Variants in CADM2 observed in about 807,000 individuals in gnomAD.
CADM2 encodes immunoglobulin superfamily member 4D.
CADM2 carries 12 observed loss-of-function variants against 49.8 expected under a neutral mutation model. That is an observed-to-expected ratio of 0.24 (90% CI 0.15 to 0.39). The LOEUF (loss-of-function observed/expected upper bound fraction) is 0.39, where lower values mean the gene tolerates loss of function less well. Among genes scored for constraint, CADM2 ranks in the 10% least tolerant of loss-of-function variants. CADM2 has a pLI of 1.00. For synonymous variants in CADM2, 214 were observed against 175.4 expected (o/e 1.22, Z -1.74); for missense variants, 378 against 492.3 (o/e 0.77, Z 2.20).
At chr3:85,304,644 CT>C (rs2044172945) in intron 1 of CADM2, among the ~76,000 whole-genome samples, 1 of 151,760 alleles carries the variant, frequency 6.6e-6, no homozygotes, top group Non-Finnish European at 1.5e-5. Context: ...TTTCTTTTGA[CT>C]GGACATACGT....
chr3:85,705,445 A>G lies in CADM2; in HGVS notation c.62-21077A>G, dbSNP rs979971147. 2.6e-5 allele frequency among the ~76,000 whole-genome samples: 4 copies of G among 152,322 alleles called. No homozygotes were observed. In the East Asian group the frequency reaches 5.8e-4, roughly 22 times the overall value. The stretch of plus-strand genomic sequence containing the variant: ...AGTAAATGATGAGGATTGCTGTCCT[A>G]TATGTGATATTGAATGCTTATAGTG... On this transcript the variant is annotated intron_variant, in intron 1 of 9. Coordinates refer to ENST00000383699, the MANE Select transcript of CADM2 (RefSeq NM_001167675.2).
intron 1 of CADM2, among the ~76,000 whole-genome samples, chr3:85,318,127 G>A (rs966691538): frequency 7.4e-5 from 11 of 149,342 alleles, no homozygotes; most frequent in Admixed American, 3.4e-4. Flanking sequence ...CCATGATCCC[G>A]CCACTGCACT....
chr3:85,082,920 A>G (rs1403275331), intron 1 of CADM2, among the ~76,000 whole-genome samples: 3 of 152,148 alleles, frequency 2.0e-5, no homozygotes, highest in African/African-American at 4.8e-5. Flanking sequence ...TATGTCCTGA[A>G]GAAGTTTAAA....
intron 2 of CADM2, among the ~76,000 whole-genome samples, chr3:85,765,057 G>C (rs1239693101): frequency 6.6e-6 from 1 of 151,958 alleles, no homozygotes; most frequent in Non-Finnish European, 1.5e-5. Flanking sequence ...AATGTAAAGA[G>C]CTCAACTTTG....
intron 1 of CADM2, among the ~76,000 whole-genome samples, chr3:84,974,761 T>C (rs1245875575): frequency 6.6e-6 from 1 of 151,988 alleles, no homozygotes; most frequent in African/African-American, 2.4e-5. Context: ...AAGCAAGATA[T>C]ATCACACTTT....
At chr3:85,193,740 C>T (rs2041269837) in intron 1 of CADM2, among the ~76,000 whole-genome samples, 2 of 152,048 alleles carry the variant, frequency 1.3e-5, no homozygotes, top group African/African-American at 4.8e-5. Context: ...ATATTGGGCC[C>T]TAGCTTACAA....
chr3:85,432,773 G>T (rs2036740730), intron 1 of CADM2, among the ~76,000 whole-genome samples: 1 of 151,896 alleles, frequency 6.6e-6, no homozygotes, highest in African/African-American at 2.4e-5. Flanking sequence ...TTCTTATTTT[G>T]CATTCCATTC....
At chr3:85,450,514 T>C (rs913292166) in intron 1 of CADM2, among the ~76,000 whole-genome samples, 1 of 151,982 alleles carries the variant, frequency 6.6e-6, no homozygotes, top group Non-Finnish European at 1.5e-5. Flanking sequence ...AAATAAAACA[T>C]GAATATAATA....
chr3:85,072,266 A>G (rs1158702097), intron 1 of CADM2, among the ~76,000 whole-genome samples: 1 of 152,022 alleles, frequency 6.6e-6, no homozygotes, highest in East Asian at 1.9e-4. Context: ...AAAAGGACAT[A>G]TTTTTAAAAG....
rs529418359 is a variant in CADM2 at position 85,406,655 on chromosome 3, C to T, written c.62-319867C>T. ...TCTGATCTTCCTCCAATATTCTCTGCGTTAGTAAAATGGAACTACCCTCTC... is the reference window on the plus strand; with the variant it reads ...TCTGATCTTCCTCCAATATTCTCTGTGTTAGTAAAATGGAACTACCCTCTC... On this transcript the variant is annotated intron_variant, in intron 1 of 9. Transcript: ENST00000383699. 3.2e-4 allele frequency among the ~76,000 whole-genome samples: 49 copies of T among 152,226 alleles called. 1 individual carries two copies. The South Asian group carries it at 4.1e-3, about 13-fold the overall frequency.
At chr3:85,131,187 A>T (rs1385555651) in intron 1 of CADM2, among the ~76,000 whole-genome samples, 1 of 150,628 alleles carries the variant, frequency 6.6e-6, no homozygotes, top group Non-Finnish European at 1.5e-5. Context: ...CTCAGAAAAG[A>T]AAAAAAAAAT....
intron 1 of CADM2, among the ~76,000 whole-genome samples, chr3:85,555,385 T>A (rs376121075): frequency 6.6e-6 from 1 of 152,168 alleles, no homozygotes; most frequent in Non-Finnish European, 1.5e-5. Flanking sequence ...CTATTATTCT[T>A]GATTTAAAAT....
At chr3:85,125,071 C>A (rs986436203) in intron 1 of CADM2, among the ~76,000 whole-genome samples, 3 of 152,088 alleles carry the variant, frequency 2.0e-5, no homozygotes, top group Admixed American at 2.0e-4. Flanking sequence ...ATTTAATCAG[C>A]AGAGGGAAAC....
intron 1 of CADM2, among the ~76,000 whole-genome samples, chr3:85,218,530 G>A (rs993005520): frequency 6.6e-6 from 1 of 152,216 alleles, no homozygotes; most frequent in African/African-American, 2.4e-5. Context: ...AAGTGTACAG[G>A]CTCACTCCTG....
At chr3:85,636,679 G>C (rs1225771714) in intron 1 of CADM2, among the ~76,000 whole-genome samples, 1 of 152,108 alleles carries the variant, frequency 6.6e-6, no homozygotes, top group South Asian at 2.1e-4. Context: ...ATTTCGCTAA[G>C]TGCCCTATCA....
chr3:85,627,575 C>T (rs2064164896), intron 1 of CADM2, among the ~76,000 whole-genome samples: 1 of 151,870 alleles, frequency 6.6e-6, no homozygotes, highest in Non-Finnish European at 1.5e-5. Context: ...TAAGAAATGA[C>T]CAACTATATA....
chr3:85,460,088 T>C (rs1375320395), intron 1 of CADM2, among the ~76,000 whole-genome samples: 2 of 152,204 alleles, frequency 1.3e-5, no homozygotes, highest in African/African-American at 4.8e-5. Context: ...CGTCATATCT[T>C]GATACCTTAA....
chr3:85,221,206 T>A (rs2042037563), intron 1 of CADM2, among the ~76,000 whole-genome samples: 1 of 152,198 alleles, frequency 6.6e-6, no homozygotes, highest in African/African-American at 2.4e-5. Context: ...TGAACTGTAT[T>A]CAATTGCCAG....
intron 1 of CADM2, among the ~76,000 whole-genome samples, chr3:85,433,900 G>T (rs534824833): frequency 2.0e-5 from 3 of 152,036 alleles, no homozygotes; most frequent in Non-Finnish European, 4.4e-5. Flanking sequence ...TAACCAATTT[G>T]TTCTCCCGCT....
Sources: allele counts gnomAD v4.1 joint callset (sites outside exome capture counted in the v4.1 genomes callset), GRCh38; gene constraint gnomAD v4.1.1; transcripts MANE v1.5; gene names NCBI Gene and HGNC (gene_info 2026-07-23, HGNC 2026-07-21).